NUP43: variants seen among roughly 807,000 people sequenced by gnomAD.
The protein encoded by NUP43 is nucleoporin 43, also known as nucleoporin Nup43.
Under a neutral mutation model 47.3 loss-of-function variants are expected in NUP43, and 32 were observed. That is an observed-to-expected ratio of 0.68 (90% confidence interval 0.51 to 0.91). The LOEUF (loss-of-function observed/expected upper bound fraction) is 0.91, where lower values mean the gene tolerates loss of function less well. Among genes scored for constraint, NUP43 ranks in the 40% least tolerant of loss-of-function variants. The pLI is 0.00. For missense variants in NUP43, 444 were observed against 453.9 expected (o/e 0.98, Z 0.20); for synonymous variants, 147 against 158.4 (o/e 0.93, Z 0.54).
In NUP43 at chr6:149,740,368, C is replaced by T. The variant is rs375933824; in HGVS notation, c.503-1590G>A. Among the ~76,000 whole-genome samples, 29 of 150,854 alleles carry T rather than the reference C, an allele frequency of 1.9e-4. No homozygotes were observed. In the South Asian group the frequency reaches 4.6e-3, roughly 24 times the overall value. ...ACAAAAGGCCAGGTACAGTGGCTCA[C>T]GCCTGTAATCCCAGCACTTTGGGAG... On this transcript the variant is annotated intron_variant, in intron 4 of 7. Transcript: ENST00000340413.
chr6:149,740,769 A>G (rs1180788786), intron 4 of NUP43, among the ~76,000 whole-genome samples: 1 of 152,214 alleles, frequency 6.6e-6, no homozygotes, highest in Non-Finnish European at 1.5e-5. Flanking sequence ...TTCAGAACCA[A>G]TACACTTAGT....
chr6:149,742,300 G>A, intron 4 of NUP43, 90 bp downstream of exon 4: 1 of 1,222,770 alleles, frequency 8.2e-7, no homozygotes, highest in Non-Finnish European at 1.2e-6. Flanking sequence ...TGCTGCAATT[G>A]CCGGGGTGAG....
chr6:149,742,326 T>A, intron 4 of NUP43, 64 bp downstream of exon 4: 1 of 1,510,734 alleles, frequency 6.6e-7, no homozygotes, highest in Non-Finnish European at 9.1e-7. Context: ...ACACCCAGCC[T>A]AACTTTTGTA....
chr6:149,738,534 C>G (rs1478704585), intron 5 of NUP43, 109 bp downstream of exon 5: 1 of 755,198 alleles, frequency 1.3e-6, no homozygotes, highest in Admixed American at 3.7e-5. Flanking sequence ...TCAGGGATCT[C>G]CCTCTTAAAA....
chr6:149,738,760 G>A lies in NUP43; in HGVS notation c.521C>T (p.Thr174Ile), dbSNP rs910103125. Reference sequence around the variant, plus strand: ...TCGAAGAAAGGTTACAGCATGGAGTGTACTACTATCTGCATTGTCTAAAAA... The same window carrying A: ...TCGAAGAAAGGTTACAGCATGGAGTATACTACTATCTGCATTGTCTAAAAA... ...VRTIDNADSSTLHAVTFLRTP... is the reference protein window; with the variant it reads ...VRTIDNADSSILHAVTFLRTP... Residue 174 changes from threonine (T) to isoleucine (I), a missense_variant, in exon 5 of 8, where the codon ACA becomes ATA. Coordinates refer to ENST00000340413, the MANE Select transcript of NUP43 (RefSeq NM_198887.3). The A allele has an allele frequency of 1.9e-6, 3 of 1,547,850 alleles. No individual in the cohort carries two copies. The highest frequency in any genetic ancestry group is 1.4e-5 in the African/African-American group (1 of 72,750).
intron 3 of NUP43, 106 bp downstream of exon 3, chr6:149,743,532 C>A: frequency 1.6e-6 from 1 of 635,550 alleles, no homozygotes. Flanking sequence ...AAGGTGGAGG[C>A]TGCGGTGAGC....
At chr6:149,731,471 G>A (rs1478212521) in intron 7 of NUP43, 142 bp downstream of exon 7, 2 of 629,856 alleles carry the variant, frequency 3.2e-6, no homozygotes, top group Admixed American at 3.2e-5. Context: ...GCTGAGGCAC[G>A]AGAATCGCTT....
intron 4 of NUP43, among the ~76,000 whole-genome samples, chr6:149,739,836 C>T (rs958987722): frequency 2.0e-5 from 3 of 152,176 alleles, no homozygotes; most frequent in African/African-American, 4.8e-5. Context: ...TCAACTCTCG[C>T]CCTCTCCATG....
chr6:149,740,772 C>CACTTA, intron 4 of NUP43, among the ~76,000 whole-genome samples: 1 of 152,206 alleles, frequency 6.6e-6, no homozygotes, highest in East Asian at 1.9e-4. Flanking sequence ...AGAACCAATA[C>CACTTA]ACTTAGTTTT....
intron 2 of NUP43, among the ~76,000 whole-genome samples, chr6:149,744,132 G>T (rs1284280415): frequency 1.3e-5 from 2 of 152,106 alleles, no homozygotes; most frequent in African/African-American, 2.4e-5. Flanking sequence ...AATGAGTTGG[G>T]GTTGTAGGGA....
chr6:149,730,084 G>A (rs1046530727), intron 7 of NUP43, among the ~76,000 whole-genome samples: 1 of 150,370 alleles, frequency 6.7e-6, no homozygotes, highest in South Asian at 2.1e-4. Context: ...ATCTCGGCTC[G>A]CTGAAACCTC....
Position 149,727,140 on chromosome 6 carries a change from C to CTGGT in NUP43, c.968_971dup (p.Ser325ProfsTer5). ...TGCTGAGCCAGGAGCTAATGACAGA[C>CTGGT]TGGTGAACATTAGCTTGGTTACTAA... On this transcript the variant is annotated frameshift_variant, in exon 8 of 8. Coordinates refer to ENST00000340413, the MANE Select transcript of NUP43 (RefSeq NM_198887.3). LOFTEE classifies it high-confidence loss of function. The CTGGT allele has an allele frequency of 6.2e-7, 1 of 1,614,078 alleles. No individual in the cohort carries two copies. Among genetic ancestry groups the CTGGT allele is most frequent in the Non-Finnish European group, 8.5e-7 (1 of 1,180,016 alleles).
chr6:149,727,389 A>C, intron 7 of NUP43, 191 bp from the exon 8 acceptor site: 1 of 984,478 alleles, frequency 1.0e-6, no homozygotes, highest in Non-Finnish European at 1.2e-6. Flanking sequence ...TAAATATTCA[A>C]ATTTCCATGG....
rs138553713 is a variant in NUP43 at position 149,726,972 on chromosome 6, C to A, written c.1140G>T (p.Ser380=). 1 of 1,609,986 alleles carries A rather than the reference C, an allele frequency of 6.2e-7. No homozygotes were observed. Among genetic ancestry groups the A allele is most frequent in the Non-Finnish European group, 8.5e-7 (1 of 1,176,518 alleles). ...EAIYVTRHLF[S] is the part of the protein sequence containing the mutation. ...AAATCTTATAATTATAGTACTTCTA[C>A]GAAAAAAGATGTCTAGTAACATAAA... The change falls in exon 8 of 8, where the codon TCG becomes TCT. Residue 380 remains serine (S), a synonymous_variant. Transcript: ENST00000340413.
chr6:149,735,057 G>A (rs1785252524), intron 6 of NUP43, among the ~76,000 whole-genome samples: 1 of 151,976 alleles, frequency 6.6e-6, no homozygotes, highest in Non-Finnish European at 1.5e-5. Flanking sequence ...CATATAAAAT[G>A]GTATGATTTT....
At position 149,742,501 on chromosome 6, in the gene NUP43, T is replaced by G. The variant is rs1785721557; in HGVS notation, c.391A>C (p.Ser131Arg). 5 of 1,613,862 alleles carry G rather than the reference T, an allele frequency of 3.1e-6. No individual in the cohort carries two copies. The highest frequency in any genetic ancestry group is 4.2e-6 in the Non-Finnish European group (5 of 1,179,862). ...CACACAACACCTGTACATGGTGCAC[T>G]GCTATAGGAAGGACTGCCAGGGCCT... ...HTGPGSPSYS[S>R]APCTGVVCNN... The change falls in exon 4 of 8, where the codon AGT becomes CGT. Residue 131 changes from serine (S) to arginine (R), a missense_variant. Ser to Arg is a moderately radical substitution (Grantham distance 110, BLOSUM62 -1). Transcript: ENST00000340413.
chr6:149,736,225 C>T (rs568303345), intron 6 of NUP43, among the ~76,000 whole-genome samples: 118 of 151,478 alleles, frequency 7.8e-4, no homozygotes, highest in African/African-American at 2.7e-3. Flanking sequence ...TGCGGTGGGC[C>T]AAGATAGCGC....
At chr6:149,728,409 T>C in intron 7 of NUP43, 1 of 984,314 alleles carries the variant, frequency 1.0e-6, no homozygotes, top group Non-Finnish European at 1.2e-6. Flanking sequence ...ACTGTTTGTT[T>C]CTCTGTAGAT....
At chr6:149,747,378 G>A (rs532575520), upstream of NUP43, among the ~76,000 whole-genome samples, 2 of 151,970 alleles carry the variant, frequency 1.3e-5, no homozygotes, top group Non-Finnish European at 2.9e-5. Flanking sequence ...CCGCCTCCCA[G>A]GTTCAAGTGA....
Sources: gnomAD v4.1 joint callset for allele counts (sites outside exome capture counted in the v4.1 genomes callset) on GRCh38, gnomAD v4.1.1 for gene constraint, MANE v1.5 for transcripts, NCBI Gene and HGNC (gene_info 2026-07-23, HGNC 2026-07-21) for gene names.